ATXN7: variants seen among roughly 807,000 people sequenced by gnomAD.
The protein encoded by ATXN7 is ataxin-7.
A neutral mutation model predicts 70.5 loss-of-function variants in ATXN7; 12 were observed. The observed-to-expected ratio is 0.17, with a 90% CI of 0.11 to 0.28. The LOEUF is 0.28. Among genes scored for constraint, ATXN7 ranks in the 10% least tolerant of loss-of-function variants. The probability of loss-of-function intolerance (pLI) is 1.00; values close to 1 mark genes in which losing one functional copy is unlikely to be tolerated. For synonymous variants in ATXN7, 498 were observed against 448.7 expected, an observed-to-expected ratio of 1.11 and a Z score of -1.39; for missense variants, 1,256 against 1,131.7, an observed-to-expected ratio of 1.11 and a Z score of -1.58.
chr3:63,982,337 T>A lies in ATXN7; in HGVS notation c.904T>A (p.Ser302Thr), dbSNP rs746701753. ...CTCAATACCAAAGCCAACCTTGCCT[T>A]CACCTGGACAGATTCTGAATGGCAA... is the stretch of plus-strand genomic sequence containing the variant. ...CPSIPKPTLPSPGQILNGKGL... is the reference protein window; with the variant it reads ...CPSIPKPTLPTPGQILNGKGL... The change falls in exon 7 of 13, where the codon TCA becomes ACA. Residue 302 changes from serine to threonine, a missense_variant. Ser to Thr is a moderately conservative substitution (Grantham distance 58, BLOSUM62 1). Coordinates refer to ENST00000674280, the MANE Select transcript of ATXN7 (RefSeq NM_001377405.1). 1 of 1,614,148 alleles carries A rather than the reference T, an allele frequency of 6.2e-7. No individual in the cohort carries two copies. The highest frequency in any genetic ancestry group is 1.1e-5 in the South Asian group (1 of 91,084).
chr3:63,913,327 C>T lies in ATXN7; in HGVS notation c.394+102C>T, dbSNP rs1408841150. 3.3e-6 allele frequency: 4 copies of T among 1,215,712 alleles called. No homozygotes were observed. The African/African-American group carries it at 4.6e-5, about 14-fold the overall frequency. 75.3% of individuals were successfully genotyped at this position (1,215,712 alleles called of 1,614,324 possible). On this transcript the variant is annotated intron_variant, in intron 4 of 12. Transcript: ENST00000674280. ...TCAGCCCACCATACCGACTCCCCGA[C>T]TCCCCGTGCCTGCGAAGATGCTGCC...
At position 63,981,313 on chromosome 3, in the gene ATXN7, C is replaced by T. The variant is rs551345593; in HGVS notation, c.753-873C>T. ...AGTACAGCAAGCTTGGTTTTTGTTCCGGGAGCAGTCTGAAAGCCACAAACG... is the reference window on the plus strand; with the variant it reads ...AGTACAGCAAGCTTGGTTTTTGTTCTGGGAGCAGTCTGAAAGCCACAAACG... On this transcript the variant is annotated intron_variant, in intron 6 of 12. Transcript: ENST00000674280. 5.0e-3 allele frequency among the ~76,000 whole-genome samples: 754 copies of T among 152,250 alleles called. 4 individuals are homozygous for T. The highest frequency in any genetic ancestry group is 6.3e-3 in the Non-Finnish European group (427 of 68,008).
intron 4 of ATXN7, among the ~76,000 whole-genome samples, chr3:63,926,134 T>C (rs1005044365): frequency 2.0e-5 from 3 of 152,206 alleles, no homozygotes; most frequent in Non-Finnish European, 4.4e-5. Context: ...AACCCTTTAA[T>C]GGTTTCTATT....
intron 1 of ATXN7, among the ~76,000 whole-genome samples, chr3:63,871,456 A>T (rs1702588998): frequency 6.6e-6 from 1 of 152,216 alleles, no homozygotes; most frequent in African/African-American, 2.4e-5. Flanking sequence ...AAAGAAAAAA[A>T]GGTAAATTCA....
rs748653222 is a variant in ATXN7, at chr3:63,912,697, G to GCCC, written c.100_101insCCC (p.Gln33_Gln34insPro). On this transcript the variant is annotated inframe_insertion, in exon 3 of 13. Transcript: ENST00000674280. ...CCGCGGCCGCCCGGCAGCAGCAGCA[G>GCCC]CAGCAGCAGCAGCAGCAGCCGCCGC... The GCCC allele has an allele frequency of 1.5e-3, 1,754 of 1,167,022 alleles. 22 individuals are homozygous for GCCC. In the African/African-American group the frequency reaches 0.022, roughly 14 times the overall value. The allele number at this position is 1,167,022 out of a possible 1,614,324, so 72.3% of individuals were successfully genotyped here. A position where few individuals can be genotyped will look rare whatever the true frequency, so the allele number is the denominator to read the frequency against.
At chr3:63,970,704 C>T (rs1420482641) in intron 5 of ATXN7, among the ~76,000 whole-genome samples, 2 of 152,174 alleles carry the variant, frequency 1.3e-5, no homozygotes, top group Non-Finnish European at 2.9e-5. Flanking sequence ...CTGCTCCTTT[C>T]TTAGCAACAT....
chr3:63,903,292 C>G (rs999825668), intron 2 of ATXN7, among the ~76,000 whole-genome samples: 2 of 145,920 alleles, frequency 1.4e-5, no homozygotes, highest in African/African-American at 5.1e-5. Context: ...GAGGCTGAGG[C>G]AGGAGAATGG....
intron 5 of ATXN7, 88 bp from the exon 6 acceptor site, chr3:63,979,827 A>C: frequency 6.4e-7 from 1 of 1,566,172 alleles, no homozygotes; most frequent in Non-Finnish European, 8.7e-7. Flanking sequence ...TTTTAACCTG[A>C]ATATATTGAT....
chr3:63,968,225 A>G (rs867065626), intron 5 of ATXN7: 27 of 436,628 alleles, frequency 6.2e-5, no homozygotes, highest in Middle Eastern at 1.2e-3. Context: ...AATCGCAGCC[A>G]CAGGGATTAG....
Position 64,002,353 on chromosome 3 carries a change from C to T in ATXN7, c.*2886C>T, listed in dbSNP as rs574239008. ...CTCTGTTCTGTGAAAAGTCTTTGTC[C>T]CTTTTAGTGTCTCGGGAGTGGATTC... is the stretch of plus-strand genomic sequence containing the variant. On this transcript the variant is annotated 3_prime_UTR_variant, in exon 13 of 13. Coordinates refer to ENST00000674280, the MANE Select transcript of ATXN7 (RefSeq NM_001377405.1). 3.9e-5 allele frequency: 6 copies of T among 152,402 alleles called. No homozygotes were observed. The East Asian group carries it at 1.2e-3, about 30-fold the overall frequency. The allele number at this position is 152,402 out of a possible 1,614,324, so 9.4% of individuals were successfully genotyped here. A position where few individuals can be genotyped will look rare whatever the true frequency, so the allele number is the denominator to read the frequency against.
intron 5 of ATXN7, among the ~76,000 whole-genome samples, chr3:63,973,435 CTG>C (rs1427733299): frequency 6.6e-6 from 1 of 152,162 alleles, no homozygotes; most frequent in East Asian, 2.0e-4. Flanking sequence ...CACCTGGAAA[CTG>C]TGTAAGTTGA....
chr3:63,951,903 T>C (rs2106657602), intron 4 of ATXN7, among the ~76,000 whole-genome samples: 1 of 152,310 alleles, frequency 6.6e-6, no homozygotes, highest in East Asian at 1.9e-4. Context: ...ATTAAAATAA[T>C]TTTCTTTATA....
At chr3:63,930,368 A>T (rs1026052207) in intron 4 of ATXN7, among the ~76,000 whole-genome samples, 7 of 152,180 alleles carry the variant, frequency 4.6e-5, no homozygotes, top group African/African-American at 1.7e-4. Context: ...TATTTGCCTG[A>T]TGAAGATATC....
chr3:63,967,268 C>G (rs1176549906), intron 5 of ATXN7, among the ~76,000 whole-genome samples: 1 of 152,106 alleles, frequency 6.6e-6, no homozygotes, highest in Non-Finnish European at 1.5e-5. Flanking sequence ...AGTGATTGAA[C>G]AACAAACTGG....
intron 1 of ATXN7, among the ~76,000 whole-genome samples, chr3:63,881,673 A>T (rs544569034): frequency 6.6e-6 from 1 of 152,164 alleles, no homozygotes; most frequent in African/African-American, 2.4e-5. Context: ...TATTTTTAGT[A>T]GAGACAGGGT....
intron 2 of ATXN7, chr3:63,901,053 T>C (rs1289962838): frequency 6.6e-6 from 1 of 152,238 alleles, no homozygotes; most frequent in African/African-American, 2.4e-5. Context: ...TGTTCTCTTA[T>C]GGTCACTGGG....
At chr3:63,910,030 G>A (rs1288625167) in intron 2 of ATXN7, among the ~76,000 whole-genome samples, 1 of 152,078 alleles carries the variant, frequency 6.6e-6, no homozygotes, top group African/African-American at 2.4e-5. Context: ...ATGCCAAGAG[G>A]ATACTTAATA....
chr3:63,944,163 C>T (rs1393182086), intron 4 of ATXN7, among the ~76,000 whole-genome samples: 7 of 152,148 alleles, frequency 4.6e-5, no homozygotes, highest in East Asian at 1.9e-4. Flanking sequence ...GTTGTTCCCC[C>T]GTATCTGCGG....
chr3:63,874,267 C>T (rs1487248870), intron 1 of ATXN7, among the ~76,000 whole-genome samples: 1 of 152,220 alleles, frequency 6.6e-6, no homozygotes, highest in Non-Finnish European at 1.5e-5. Context: ...TTTATGGTCT[C>T]TGCACTAAAT....
Sources: gnomAD v4.1 joint callset for allele counts (sites outside exome capture counted in the v4.1 genomes callset) on GRCh38, gnomAD v4.1.1 for gene constraint, MANE v1.5 for transcripts, NCBI Gene and HGNC (gene_info 2026-07-23, HGNC 2026-07-21) for gene names.